The following ASIC2 variants were observed in gnomAD, a reference collection of about 807,000 sequenced individuals.
ASIC2 encodes acid-sensing ion channel 2.
In ASIC2, 25 loss-of-function variants were observed where a neutral mutation model predicts 57.3. The ratio of observed to expected loss-of-function variants is 0.44; its 90% CI spans 0.32 to 0.61. The LOEUF is 0.61. Ranked by LOEUF, ASIC2 falls within the 20% of genes least tolerant of loss-of-function variation. The pLI, the probability that ASIC2 is intolerant of heterozygous loss-of-function variation, is 0.06. For synonymous variants in ASIC2, 319 were observed against 307.5 expected (o/e 1.04, Z -0.39); for missense variants, 641 against 738.1 (o/e 0.87, Z 1.52).
chr17:33,426,844 A>C (rs1214984980), intron 1 of ASIC2, among the ~76,000 whole-genome samples: 1 of 152,216 alleles, frequency 6.6e-6, no homozygotes, highest in Non-Finnish European at 1.5e-5. Flanking sequence ...GTTTGCAATA[A>C]ATGATATGAT....
chr17:34,052,870 C>T (rs574575383), intron 1 of ASIC2, among the ~76,000 whole-genome samples: 26 of 152,054 alleles, frequency 1.7e-4, no homozygotes, highest in Admixed American at 1.4e-3. Context: ...CCACCCGCCT[C>T]GCCCTCCCAA....
intron 1 of ASIC2, among the ~76,000 whole-genome samples, chr17:33,858,392 A>G (rs1171523314): frequency 6.6e-6 from 1 of 152,228 alleles, no homozygotes; most frequent in African/African-American, 2.4e-5. Flanking sequence ...TGGTGGCTGC[A>G]GAGAAATGGC....
At chr17:33,705,701 T>C (rs920114595) in intron 1 of ASIC2, among the ~76,000 whole-genome samples, 2 of 152,300 alleles carry the variant, frequency 1.3e-5, no homozygotes, top group Non-Finnish European at 1.5e-5. Context: ...AGAACCTCTA[T>C]GGGGAGAACA....
intron 1 of ASIC2, among the ~76,000 whole-genome samples, chr17:33,990,335 A>T (rs1287601292): frequency 6.6e-6 from 1 of 152,226 alleles, no homozygotes; most frequent in Non-Finnish European, 1.5e-5. Flanking sequence ...CTGGCAACAG[A>T]TAGATGCTCA....
chr17:33,298,784 G>A lies in ASIC2; in HGVS notation c.556-186717C>T, dbSNP rs541974384. On this transcript the variant is annotated intron_variant, in intron 1 of 9. Transcript: ENST00000359872. ...GTTGTTTCCTGAGTTTCTAATGATC[G>A]CCATTCTAACTGGTGTGAGATGGTA... Among the ~76,000 whole-genome samples, 56 of 152,200 alleles carry A rather than the reference G, an allele frequency of 3.7e-4. 1 individual carries two copies. Among genetic ancestry groups the A allele is most frequent in the African/African-American group, 1.0e-3 (42 of 41,492 alleles).
intron 1 of ASIC2, among the ~76,000 whole-genome samples, chr17:33,986,982 A>C (rs1472023728): frequency 6.6e-6 from 1 of 152,204 alleles, no homozygotes; most frequent in Non-Finnish European, 1.5e-5. Context: ...GTGGCCATAG[A>C]ATAGCAATAA....
At chr17:33,600,571 C>G (rs144947804) in intron 1 of ASIC2, among the ~76,000 whole-genome samples, 89 of 152,190 alleles carry the variant, frequency 5.8e-4, no homozygotes, top group African/African-American at 2.1e-3. Context: ...CTATAAAAAG[C>G]CTATATTGCA....
intron 1 of ASIC2, among the ~76,000 whole-genome samples, chr17:34,031,215 G>C (rs1907596355): frequency 6.6e-6 from 1 of 152,226 alleles, no homozygotes; most frequent in South Asian, 2.1e-4. Context: ...AATATCTGCT[G>C]TTCTTCAGCC....
At chr17:33,725,583 C>A (rs1327223768) in intron 1 of ASIC2, among the ~76,000 whole-genome samples, 1 of 152,196 alleles carries the variant, frequency 6.6e-6, no homozygotes, top group Admixed American at 6.5e-5. Flanking sequence ...AGGTCAAGAT[C>A]ACGTGAAATA....
chr17:33,291,341 C>T (rs937656513), intron 1 of ASIC2, 67 bp downstream of exon 1: 1 of 1,522,138 alleles, frequency 6.6e-7, no homozygotes, highest in Non-Finnish European at 8.8e-7. Context: ...GGGGGCGGAA[C>T]ACCAGGCCTC....
intron 1 of ASIC2, among the ~76,000 whole-genome samples, chr17:33,511,139 AGCTGTATG>A (rs1373013216): frequency 3.0e-4 from 2 of 6,740 alleles, no homozygotes; most frequent in Admixed American, 1.7e-3. Context: ...TGCCCCCTCC[AGCTGTATG>A]GCTGTAAGAC....
intron 1 of ASIC2, among the ~76,000 whole-genome samples, chr17:33,878,067 C>A (rs1157774222): frequency 6.6e-6 from 1 of 152,210 alleles, no homozygotes. Flanking sequence ...AGAAGGAAAA[C>A]TAACAAACAG....
chr17:33,488,076 C>T (rs377089009), intron 1 of ASIC2, among the ~76,000 whole-genome samples: 4 of 152,192 alleles, frequency 2.6e-5, no homozygotes, highest in South Asian at 2.1e-4. Context: ...AGAACCTTGA[C>T]TAATACAGTT....
Position 33,775,944 on chromosome 17 carries a change from C to G in ASIC2, c.555+380034G>C, listed in dbSNP as rs896898691. Among the ~76,000 whole-genome samples, 10 of 152,086 alleles carry G rather than the reference C, an allele frequency of 6.6e-5. No homozygotes were observed. The South Asian group carries it at 1.0e-3, about 16-fold the overall frequency. On this transcript the variant is annotated intron_variant, in intron 1 of 9. Coordinates refer to the ASIC2 transcript ENST00000359872. ...GGTCAGGAGTTCGAGACCAGCTTGA[C>G]TGACATGACGAAACACCGTATCTAC...
chr17:33,495,417 C>T (rs190578746), intron 1 of ASIC2, among the ~76,000 whole-genome samples: 1 of 152,196 alleles, frequency 6.6e-6, no homozygotes, highest in East Asian at 1.9e-4. Flanking sequence ...TTATTCTCAT[C>T]TTCTCGGAAA....
intron 1 of ASIC2, among the ~76,000 whole-genome samples, chr17:34,084,618 T>C (rs917784252): frequency 2.6e-5 from 4 of 152,336 alleles, no homozygotes; most frequent in African/African-American, 9.6e-5. Flanking sequence ...ATTGAATCTA[T>C]AAATTACCTT....
chr17:34,064,512 G>T (rs189835667), intron 1 of ASIC2, among the ~76,000 whole-genome samples: 1 of 152,076 alleles, frequency 6.6e-6, no homozygotes, highest in East Asian at 1.9e-4. Flanking sequence ...ACAATAAAAA[G>T]AGATAAATAG....
intron 1 of ASIC2, among the ~76,000 whole-genome samples, chr17:33,511,724 G>A (rs968617475): frequency 1.3e-5 from 2 of 152,132 alleles, no homozygotes; most frequent in Admixed American, 6.6e-5. Flanking sequence ...CATTGCACAA[G>A]CCAGCATGGT....
intron 1 of ASIC2, among the ~76,000 whole-genome samples, chr17:33,577,656 G>A (rs1916671670): frequency 6.6e-6 from 1 of 152,164 alleles, no homozygotes; most frequent in South Asian, 2.1e-4. Context: ...CAGTGGAAAA[G>A]CAGTTCCCCT....
Sources: allele counts gnomAD v4.1 joint callset (sites outside exome capture counted in the v4.1 genomes callset), GRCh38; gene constraint gnomAD v4.1.1; transcripts MANE v1.5; gene names NCBI Gene and HGNC (gene_info 2026-07-23, HGNC 2026-07-21).